Variants in SLC30A8 observed in about 807,000 individuals in gnomAD.
The protein encoded by SLC30A8 is proton-coupled zinc antiporter SLC30A8.
SLC30A8 carries 27 observed loss-of-function variants against 36.9 expected under a neutral mutation model. The ratio of observed to expected loss-of-function variants is 0.73; its 90% CI spans 0.54 to 1.01. The LOEUF is 1.01. Ranked by LOEUF, SLC30A8 falls within the 50% of genes least tolerant of loss-of-function variation. The probability of loss-of-function intolerance (pLI) is 0.00; values close to 1 mark genes in which losing one functional copy is unlikely to be tolerated. For synonymous variants in SLC30A8, 164 were observed against 172.4 expected (o/e 0.95, Z 0.38); for missense variants, 439 against 452.0 (o/e 0.97, Z 0.26).
intron 6 of SLC30A8, among the ~76,000 whole-genome samples, chr8:117,164,481 G>A (rs1278758393): frequency 6.6e-6 from 1 of 152,150 alleles, no homozygotes; most frequent in Non-Finnish European, 1.5e-5. Context: ...GACTGAGATG[G>A]GAGGATCGCT....
At chr8:117,169,282 A>C (rs1392606822) in intron 6 of SLC30A8, among the ~76,000 whole-genome samples, 1 of 152,156 alleles carries the variant, frequency 6.6e-6, no homozygotes, top group Non-Finnish European at 1.5e-5. Flanking sequence ...CCCATGAGCA[A>C]GGTTCTTAGC....
At chr8:117,154,033 T>C (rs1368424400) in intron 3 of SLC30A8, among the ~76,000 whole-genome samples, 1 of 152,162 alleles carries the variant, frequency 6.6e-6, no homozygotes, top group East Asian at 1.9e-4. Context: ...ATAAACAACT[T>C]GGAGGTCTCT....
intron 1 of SLC30A8, among the ~76,000 whole-genome samples, chr8:116,952,817 G>A (rs116686088): frequency 0.023 from 3,445 of 151,724 alleles, 117 homozygotes; most frequent in African/African-American, 0.078. Flanking sequence ...ATAGATTTTA[G>A]ACATTATGTC....
intron 1 of SLC30A8, among the ~76,000 whole-genome samples, chr8:116,966,712 T>C (rs1376216243): frequency 6.6e-6 from 1 of 152,192 alleles, no homozygotes; most frequent in East Asian, 1.9e-4. Context: ...TCAGTTCTCC[T>C]AGCTGACATC....
chr8:117,045,087 A>C (rs573420989), intron 2 of SLC30A8, among the ~76,000 whole-genome samples: 1 of 152,296 alleles, frequency 6.6e-6, no homozygotes, highest in East Asian at 1.9e-4. Context: ...AAAAGGCAAA[A>C]TTTCATCCTT....
At chr8:116,953,367 A>G (rs969802569) in intron 1 of SLC30A8, among the ~76,000 whole-genome samples, 4 of 151,682 alleles carry the variant, frequency 2.6e-5, no homozygotes, top group Admixed American at 6.6e-5. Context: ...TTCTAATACG[A>G]CTATTTTGTA....
In SLC30A8 at chr8:117,070,771, A is replaced by G. The variant is rs534456503; in HGVS notation, c.-226+31513A>G. On this transcript the variant is annotated intron_variant, in intron 2 of 10. Transcript: ENST00000427715. ...ACTTCCCCAGCCTCATGTAACCATCATTCTACTTTCTACTTCTATGAGTTC... is the reference window on the plus strand; with the variant it reads ...ACTTCCCCAGCCTCATGTAACCATCGTTCTACTTTCTACTTCTATGAGTTC... 1.6e-3 allele frequency among the ~76,000 whole-genome samples: 240 copies of G among 152,264 alleles called. 2 individuals carry two copies. The highest frequency in any genetic ancestry group is 5.3e-3 in the African/African-American group (222 of 41,544).
intron 1 of SLC30A8, among the ~76,000 whole-genome samples, chr8:117,034,268 A>G (rs1283940922): frequency 2.0e-5 from 3 of 152,202 alleles, no homozygotes; most frequent in Non-Finnish European, 4.4e-5. Flanking sequence ...TAATAAAACA[A>G]TCACATCATA....
Position 117,145,454 on chromosome 8 carries a change from C to T in SLC30A8, c.72-1500C>T, listed in dbSNP as rs546346177. On this transcript the variant is annotated intron_variant, in intron 1 of 7. Transcript: ENST00000456015. ...ATAATAGAGTCAGAATAATAATTGT[C>T]ATCTAAGCCAAAACCATCAGACTTT... Among the ~76,000 whole-genome samples, 5 of 151,814 alleles carry T rather than the reference C, an allele frequency of 3.3e-5. No individual in the cohort carries two copies. In the South Asian group the frequency reaches 1.0e-3, roughly 32 times the overall value.
intron 2 of SLC30A8, among the ~76,000 whole-genome samples, chr8:117,148,033 A>G (rs1563626679): frequency 6.6e-6 from 1 of 151,842 alleles, no homozygotes; most frequent in Non-Finnish European, 1.5e-5. Context: ...GACCTTTGTT[A>G]TATTAGTTAT....
intron 1 of SLC30A8, among the ~76,000 whole-genome samples, chr8:117,145,768 CT>C (rs1320258148): frequency 6.6e-6 from 1 of 152,076 alleles, no homozygotes; most frequent in Admixed American, 6.6e-5. Context: ...CCAAAATTTC[CT>C]GGATATTTGA....
At chr8:117,144,103 A>G (rs1013257435) in intron 1 of SLC30A8, among the ~76,000 whole-genome samples, 2 of 152,176 alleles carry the variant, frequency 1.3e-5, no homozygotes, top group Non-Finnish European at 2.9e-5. Flanking sequence ...CTGTCTTCTC[A>G]GCCCAAGGAA....
intron 1 of SLC30A8, among the ~76,000 whole-genome samples, chr8:116,960,365 G>T (rs1305256238): frequency 6.6e-6 from 1 of 152,162 alleles, no homozygotes; most frequent in Non-Finnish European, 1.5e-5. Flanking sequence ...AAGATAGAAA[G>T]TTCAAAAGGT....
chr8:117,033,721 C>A (rs929856095), intron 1 of SLC30A8, among the ~76,000 whole-genome samples: 4 of 152,160 alleles, frequency 2.6e-5, no homozygotes, highest in Non-Finnish European at 5.9e-5. Flanking sequence ...GAGAAGGATT[C>A]TATCAGCTGG....
At chr8:116,971,312 A>AAC (rs891605163) in intron 1 of SLC30A8, among the ~76,000 whole-genome samples, 1 of 151,744 alleles carries the variant, frequency 6.6e-6, no homozygotes, top group African/African-American at 2.4e-5. Context: ...GGAAAAAAAA[A>AAC]AACAAAAACA....
intron 1 of SLC30A8, among the ~76,000 whole-genome samples, chr8:117,030,940 C>A (rs1418182687): frequency 6.6e-6 from 1 of 152,132 alleles, no homozygotes; most frequent in Non-Finnish European, 1.5e-5. Flanking sequence ...TCAAGAGAAA[C>A]AATCTATTTA....
chr8:116,966,036 A>G (rs890252570), intron 1 of SLC30A8, among the ~76,000 whole-genome samples: 1 of 151,782 alleles, frequency 6.6e-6, no homozygotes, highest in Non-Finnish European at 1.5e-5. Context: ...GGCACACACC[A>G]CCATGCCTGG....
chr8:117,176,393 C>G lies in SLC30A8; in HGVS notation c.*3712C>G, dbSNP rs1586630915. 1 of 152,398 alleles carries G rather than the reference C, an allele frequency of 6.6e-6. No individual in the cohort carries two copies. Among genetic ancestry groups the G allele is most frequent in the Non-Finnish European group, 1.5e-5 (1 of 67,986 alleles). 9.4% of individuals were successfully genotyped at this position (152,398 alleles called of 1,614,324 possible). On this transcript the variant is annotated 3_prime_UTR_variant, in exon 8 of 8. Transcript: ENST00000456015. The stretch of plus-strand genomic sequence containing the variant: ...AGGAAATGATTTTCTCAGCTCATCT[C>G]TCTGTATTCCCTGTTTTGGATCACA...
At chr8:117,008,137 C>G (rs1319442533) in intron 1 of SLC30A8, among the ~76,000 whole-genome samples, 1 of 152,122 alleles carries the variant, frequency 6.6e-6, no homozygotes, top group African/African-American at 2.4e-5. Flanking sequence ...TGCCAACATT[C>G]CAAGATGAGA....
Sources: gnomAD v4.1 joint callset for allele counts (sites outside exome capture counted in the v4.1 genomes callset) on GRCh38, gnomAD v4.1.1 for gene constraint, MANE v1.5 for transcripts, NCBI Gene and HGNC (gene_info 2026-07-23, HGNC 2026-07-21) for gene names.